Variants in RBFOX1 observed in about 807,000 individuals in gnomAD.
The protein encoded by RBFOX1 is RNA binding fox-1 homolog 1, also known as RNA binding protein fox-1 homolog 1.
Under a neutral mutation model 57.7 loss-of-function variants are expected in RBFOX1, and 8 were observed. That is an observed-to-expected ratio of 0.14 (90% CI 0.08 to 0.25). The LOEUF is 0.25. RBFOX1 is among the 10% of genes least tolerant of loss of function. The probability of loss-of-function intolerance (pLI) is 1.00; values close to 1 mark genes in which losing one functional copy is unlikely to be tolerated. For synonymous variants in RBFOX1, 326 were observed against 222.4 expected (o/e 1.47, Z -4.15); for missense variants, 611 against 548.5 (o/e 1.11, Z -1.14).
chr16:6,053,638 T>C (rs1431514320), intron 1 of RBFOX1, among the ~76,000 whole-genome samples: 1 of 152,208 alleles, frequency 6.6e-6, no homozygotes, highest in East Asian at 1.9e-4. Context: ...CTATTCCAGA[T>C]AAAGTTAAAT....
At chr16:6,995,831 G>C (rs576232639) in intron 3 of RBFOX1, among the ~76,000 whole-genome samples, 21 of 152,252 alleles carry the variant, frequency 1.4e-4, no homozygotes, top group Admixed American at 2.6e-4. Flanking sequence ...TTACACTTGA[G>C]ATTGGTTCAG....
intron 2 of RBFOX1, among the ~76,000 whole-genome samples, chr16:6,508,968 A>G (rs1263289460): frequency 6.6e-6 from 1 of 152,174 alleles, no homozygotes; most frequent in African/African-American, 2.4e-5. Context: ...TACTATGTGA[A>G]TGTAAAGTTT....
intron 3 of RBFOX1, among the ~76,000 whole-genome samples, chr16:5,614,943 TG>T (rs2047966933): frequency 6.6e-6 from 1 of 152,110 alleles, no homozygotes; most frequent in Non-Finnish European, 1.5e-5. Context: ...GAGAGGTACT[TG>T]GAAGAGAAGA....
At position 7,364,667 on chromosome 16, in the gene RBFOX1, C is replaced by T. The variant is rs568970246; in HGVS notation, c.28-153480C>T. Among the ~76,000 whole-genome samples the T allele has an allele frequency of 5.9e-5, 9 of 151,324 alleles. 1 individual carries two copies. Among genetic ancestry groups the T allele is most frequent in the African/African-American group, 2.2e-4 (9 of 41,282 alleles). ...GGCTGTAGAATGAATGCCTTTTCTT[C>T]TATCTGAATGATCCTCTAGTCACTT... On this transcript the variant is annotated intron_variant, in intron 4 of 15. Coordinates refer to ENST00000550418, the MANE Select transcript of RBFOX1 (RefSeq NM_018723.4).
At chr16:6,890,108 G>C (rs950423664) in intron 3 of RBFOX1, among the ~76,000 whole-genome samples, 4 of 152,124 alleles carry the variant, frequency 2.6e-5, no homozygotes, top group Non-Finnish European at 5.9e-5. Flanking sequence ...GTACAATAAA[G>C]GAAAATAAAT....
rs78370237 is a variant in RBFOX1, at chr16:6,937,285, T to C, written c.-15-114772T>C. Among the ~76,000 whole-genome samples the C allele has an allele frequency of 5.1e-4, 78 of 152,260 alleles. No homozygotes were observed. The East Asian group carries it at 0.014, about 27-fold the overall frequency. ...AATTGCCAACTCACGACCAACACTGTTTCCTTTTTACCTTCATTCCCACAT... is the reference window on the plus strand; with the variant it reads ...AATTGCCAACTCACGACCAACACTGCTTCCTTTTTACCTTCATTCCCACAT... On this transcript the variant is annotated intron_variant, in intron 3 of 15. Transcript: ENST00000550418.
chr16:7,582,678 C>T (rs1051195050), intron 6 of RBFOX1, among the ~76,000 whole-genome samples: 1 of 152,162 alleles, frequency 6.6e-6, no homozygotes, highest in Admixed American at 6.5e-5. Flanking sequence ...AACTCCAATT[C>T]GGTACTTCTC....
chr16:7,367,336 C>G (rs183219161), intron 4 of RBFOX1, among the ~76,000 whole-genome samples: 80 of 152,344 alleles, frequency 5.3e-4, no homozygotes, highest in Middle Eastern at 3.4e-3. Flanking sequence ...AGTCCTGTCA[C>G]AAGCAGAGCT....
At chr16:7,103,190 G>C (rs2062992044) in intron 4 of RBFOX1, among the ~76,000 whole-genome samples, 1 of 152,020 alleles carries the variant, frequency 6.6e-6, no homozygotes, top group South Asian at 2.1e-4. Flanking sequence ...TCCAAGTTGT[G>C]ATTTTTAAAG....
At chr16:6,982,291 A>G (rs1048307102) in intron 3 of RBFOX1, among the ~76,000 whole-genome samples, 1 of 152,188 alleles carries the variant, frequency 6.6e-6, no homozygotes, top group African/African-American at 2.4e-5. Flanking sequence ...AGATTGACCT[A>G]CATTATTCCA....
At chr16:5,763,950 A>C (rs917352952) in intron 3 of RBFOX1, among the ~76,000 whole-genome samples, 1 of 151,696 alleles carries the variant, frequency 6.6e-6, no homozygotes, top group African/African-American at 2.4e-5. Flanking sequence ...TTCTTTATTC[A>C]CCTGTTTACT....
At chr16:7,128,126 C>A (rs979250056) in intron 4 of RBFOX1, among the ~76,000 whole-genome samples, 1 of 152,094 alleles carries the variant, frequency 6.6e-6, no homozygotes, top group Non-Finnish European at 1.5e-5. Context: ...AATGGACAGC[C>A]CTGGTGAAAA....
At chr16:7,434,287 C>G (rs943084071) in intron 4 of RBFOX1, among the ~76,000 whole-genome samples, 1 of 151,846 alleles carries the variant, frequency 6.6e-6, no homozygotes, top group Non-Finnish European at 1.5e-5. Flanking sequence ...CTGGCTAACA[C>G]GGTGAAACCC....
chr16:7,702,954 G>A (rs533372497), intron 14 of RBFOX1, among the ~76,000 whole-genome samples: 52 of 152,318 alleles, frequency 3.4e-4, no homozygotes, highest in African/African-American at 1.2e-3. Context: ...GTTACCTTCT[G>A]ATGTCCCCCT....
At chr16:6,835,486 T>C (rs1304857244) in intron 3 of RBFOX1, among the ~76,000 whole-genome samples, 1 of 152,012 alleles carries the variant, frequency 6.6e-6, no homozygotes, top group African/African-American at 2.4e-5. Flanking sequence ...GGTGTGGTGG[T>C]CACGCCTGCA....
intron 2 of RBFOX1, among the ~76,000 whole-genome samples, chr16:6,519,309 G>A (rs2096455121): frequency 1.3e-5 from 2 of 152,276 alleles, no homozygotes; most frequent in South Asian, 4.2e-4. Flanking sequence ...CTATTGTGTT[G>A]CATTGTCATT....
At chr16:7,021,391 T>C (rs1173898461) in intron 3 of RBFOX1, among the ~76,000 whole-genome samples, 2 of 146,858 alleles carry the variant, frequency 1.4e-5, no homozygotes, top group East Asian at 3.9e-4. Context: ...AATATTTTTA[T>C]TTTTAAATTT....
In RBFOX1 at chr16:5,971,842, G is replaced by T. The variant is rs532707926; in HGVS notation, c.351+104507G>T. The stretch of plus-strand genomic sequence containing the variant: ...CTGCATGCTTCTATGAGGGTGTTTT[G>T]GATGAGATTAACATTTATGTCAGTA... On this transcript the variant is annotated intron_variant, in intron 4 of 19. Coordinates refer to the RBFOX1 transcript ENST00000641259. Among the ~76,000 whole-genome samples the T allele has an allele frequency of 3.9e-5, 6 of 152,278 alleles. No individual in the cohort carries two copies. In the South Asian group the frequency reaches 6.2e-4, roughly 16 times the overall value.
chr16:6,090,553 G>A (rs767780911), intron 1 of RBFOX1, among the ~76,000 whole-genome samples: 2 of 152,168 alleles, frequency 1.3e-5, no homozygotes, highest in Non-Finnish European at 2.9e-5. Context: ...AATGATCAAA[G>A]GCAGTGGGAA....
Sources: gnomAD v4.1 joint callset for allele counts (sites outside exome capture counted in the v4.1 genomes callset) on GRCh38, gnomAD v4.1.1 for gene constraint, MANE v1.5 for transcripts, NCBI Gene and HGNC (gene_info 2026-07-23, HGNC 2026-07-21) for gene names.